The following GPC5 variants were observed in gnomAD, a reference collection of about 807,000 sequenced individuals.
GPC5 encodes glypican-5.
A neutral mutation model predicts 53.9 loss-of-function variants in GPC5; 47 were observed. The observed-to-expected ratio is 0.87, with a 90% confidence interval of 0.69 to 1.11. The LOEUF (loss-of-function observed/expected upper bound fraction) is 1.11, where lower values mean the gene tolerates loss of function less well. GPC5 is among the 50% of genes most tolerant of loss of function. The pLI, the probability that GPC5 is intolerant of heterozygous loss-of-function variation, is 0.00. For synonymous variants in GPC5, 286 were observed against 263.3 expected (o/e 1.09, Z -0.84); for missense variants, 748 against 713.1 (o/e 1.05, Z -0.56).
At chr13:91,575,558 G>A (rs1028058842) in intron 2 of GPC5, among the ~76,000 whole-genome samples, 1 of 152,088 alleles carries the variant, frequency 6.6e-6, no homozygotes, top group Non-Finnish European at 1.5e-5. Flanking sequence ...GGGAGAACAC[G>A]CTATTTTATA....
chr13:92,178,896 A>G (rs1369824907), intron 7 of GPC5, among the ~76,000 whole-genome samples: 2 of 152,084 alleles, frequency 1.3e-5, no homozygotes, highest in Non-Finnish European at 2.9e-5. Context: ...GCTTGAACCC[A>G]GGAGGTGGAG....
chr13:92,447,876 G>A (rs541392503), intron 7 of GPC5: 9 of 152,188 alleles, frequency 5.9e-5, no homozygotes, highest in African/African-American at 2.2e-4. Flanking sequence ...GGATTTCTAA[G>A]TACAATTAAC....
intron 2 of GPC5, among the ~76,000 whole-genome samples, chr13:91,607,049 G>T (rs1413916604): frequency 6.6e-6 from 1 of 151,856 alleles, no homozygotes; most frequent in Non-Finnish European, 1.5e-5. Context: ...TGTGATGTTA[G>T]GGTGTCAATT....
intron 3 of GPC5, among the ~76,000 whole-genome samples, chr13:91,714,797 C>A (rs1159142478): frequency 6.6e-6 from 1 of 152,034 alleles, no homozygotes; most frequent in Admixed American, 6.6e-5. Context: ...GAGGCCCCAA[C>A]TGGGGCTTAG....
chr13:91,786,322 C>A (rs989596630), intron 5 of GPC5, among the ~76,000 whole-genome samples: 1 of 152,196 alleles, frequency 6.6e-6, no homozygotes, highest in African/African-American at 2.4e-5. Flanking sequence ...TCAGAATAAA[C>A]TTGAAAGCCT....
At chr13:91,640,165 G>T (rs944562836) in intron 2 of GPC5, among the ~76,000 whole-genome samples, 1 of 151,978 alleles carries the variant, frequency 6.6e-6, no homozygotes, top group Non-Finnish European at 1.5e-5. Flanking sequence ...GAGAGATTCC[G>T]CATAGCAAAA....
intron 2 of GPC5, among the ~76,000 whole-genome samples, chr13:91,633,518 A>C (rs895400030): frequency 5.9e-5 from 9 of 152,152 alleles, no homozygotes; most frequent in African/African-American, 2.2e-4. Context: ...ATGGTGAGAA[A>C]CATATGTGAT....
intron 1 of GPC5, among the ~76,000 whole-genome samples, chr13:91,444,042 C>G (rs762054169): frequency 6.6e-6 from 1 of 152,124 alleles, no homozygotes; most frequent in South Asian, 2.1e-4. Context: ...CAGGGGCTTA[C>G]ATGATCAATA....
intron 5 of GPC5, among the ~76,000 whole-genome samples, chr13:91,830,845 AAT>A (rs553101503): frequency 2.3e-5 from 3 of 127,948 alleles, no homozygotes; most frequent in South Asian, 2.2e-4. Context: ...TATTATATAT[AAT>A]ATATATATCC....
At chr13:92,349,522 G>A (rs1230541137) in intron 7 of GPC5, among the ~76,000 whole-genome samples, 2 of 150,072 alleles carry the variant, frequency 1.3e-5, no homozygotes, top group Non-Finnish European at 3.0e-5. Flanking sequence ...CTGTATTAAC[G>A]AGAAAAAAGA....
intron 7 of GPC5, among the ~76,000 whole-genome samples, chr13:92,525,437 A>AGAGTGTGTGTGTGT (rs1555286750): frequency 7.3e-6 from 1 of 136,584 alleles, no homozygotes; most frequent in African/African-American, 2.7e-5. Context: ...GATAGATTCA[A>AGAGTGTGTGTGTGT]GTGTGTGTGT....
intron 2 of GPC5, among the ~76,000 whole-genome samples, chr13:91,520,919 C>A (rs1389504864): frequency 6.6e-6 from 1 of 151,968 alleles, no homozygotes; most frequent in Non-Finnish European, 1.5e-5. Context: ...AACTAAACAT[C>A]CTTACAATTT....
At chr13:92,633,453 A>T (rs899317911) in intron 7 of GPC5, among the ~76,000 whole-genome samples, 3 of 152,330 alleles carry the variant, frequency 2.0e-5, no homozygotes, top group Admixed American at 6.5e-5. Context: ...GGTTTTAAAA[A>T]ATATTTAGTT....
At chr13:92,850,111 C>T (rs894479124) in intron 7 of GPC5, among the ~76,000 whole-genome samples, 1 of 152,154 alleles carries the variant, frequency 6.6e-6, no homozygotes, top group African/African-American at 2.4e-5. Context: ...AATAAATATA[C>T]AACCTTTTTT....
chr13:92,446,798 C>G (rs570270304), intron 7 of GPC5: 1 of 152,054 alleles, frequency 6.6e-6, no homozygotes, highest in East Asian at 1.9e-4. Context: ...CATTTGTTAT[C>G]GTCTGTCTTT....
chr13:92,790,287 T>C (rs561206974), intron 7 of GPC5, among the ~76,000 whole-genome samples: 2 of 152,110 alleles, frequency 1.3e-5, no homozygotes, highest in Non-Finnish European at 2.9e-5. Context: ...AGTTAGAAAA[T>C]TCAAAAGAGA....
At chr13:92,425,313 T>C (rs1427877321) in intron 7 of GPC5, among the ~76,000 whole-genome samples, 1 of 152,082 alleles carries the variant, frequency 6.6e-6, no homozygotes, top group African/African-American at 2.4e-5. Flanking sequence ...AGTTTCTAGA[T>C]GTAGTAAAAG....
intron 7 of GPC5, among the ~76,000 whole-genome samples, chr13:92,472,550 T>C (rs1274202171): frequency 6.6e-6 from 1 of 152,130 alleles, no homozygotes; most frequent in African/African-American, 2.4e-5. Flanking sequence ...GAACAGCTTG[T>C]TCAGAGCCTA....
intron 7 of GPC5, among the ~76,000 whole-genome samples, chr13:92,762,002 G>T (rs1023156343): frequency 2.0e-5 from 3 of 151,764 alleles, no homozygotes. Flanking sequence ...ATCACCACTG[G>T]ATGTGCCTTA....
Sources: gnomAD v4.1 joint callset for allele counts (sites outside exome capture counted in the v4.1 genomes callset) on GRCh38, gnomAD v4.1.1 for gene constraint, MANE v1.5 for transcripts, NCBI Gene and HGNC (gene_info 2026-07-23, HGNC 2026-07-21) for gene names.